Variants in DUOX1 observed in about 807,000 individuals in gnomAD.
DUOX1 encodes the protein dual oxidase 1, also known as NADPH thyroid oxidase 1.
In DUOX1, 134 loss-of-function variants were observed where a neutral mutation model predicts 181.8. The observed-to-expected ratio is 0.74, with a 90% CI of 0.64 to 0.85. The LOEUF is 0.85. DUOX1 is among the 40% of genes least tolerant of loss of function. DUOX1 has a pLI of 0.00. For missense variants in DUOX1, 1,814 were observed against 2,064.4 expected (o/e 0.88, Z 2.35); for synonymous variants, 798 against 832.5 (o/e 0.96, Z 0.71).
chr15:45,138,101 T>TGTGA, intron 10 of DUOX1, 87 bp downstream of exon 10: 2 of 1,053,236 alleles, frequency 1.9e-6, no homozygotes, highest in South Asian at 2.1e-5. Context: ...TGTGTGTGTG[T>TGTGA]GTGTGAGTGC....
chr15:45,164,664 T>C, intron 33 of DUOX1, 115 bp from the exon 34 acceptor site: 1 of 1,112,764 alleles, frequency 9.0e-7, no homozygotes, highest in Non-Finnish European at 1.3e-6. Flanking sequence ...GAGTCAGGGA[T>C]GTTGCTATGT....
chr15:45,140,148 A>T (rs1896453479), intron 12 of DUOX1: 6 of 858,082 alleles, frequency 7.0e-6, no homozygotes. Context: ...TTCAGCTGCT[A>T]GCCAAGAGAC....
chr15:45,150,744 T>C (rs1317616895), intron 22 of DUOX1, 43 bp downstream of exon 22: 2 of 1,586,592 alleles, frequency 1.3e-6, no homozygotes, highest in East Asian at 2.2e-5. Flanking sequence ...AGTTGGGGAG[T>C]TGCCATTTCT....
At chr15:45,148,743 G>C (rs1896727436) in intron 21 of DUOX1, among the ~76,000 whole-genome samples, 1 of 152,066 alleles carries the variant, frequency 6.6e-6, no homozygotes, top group African/African-American at 2.4e-5. Flanking sequence ...GGTGGGGTGG[G>C]TAGGGTCAGG....
At chr15:45,148,645 T>A in intron 21 of DUOX1, 198 bp downstream of exon 21, 1 of 383,568 alleles carries the variant, frequency 2.6e-6, no homozygotes, top group Non-Finnish European at 4.1e-6. Context: ...AATATAATTT[T>A]AAAATATTAT....
At position 45,139,538 on chromosome 15, in the gene DUOX1, G is replaced by T. The variant is rs751789172; in HGVS notation, c.1328G>T (p.Gly443Val). 1 of 1,612,890 alleles carries T rather than the reference G, an allele frequency of 6.2e-7. No homozygotes were observed. Among genetic ancestry groups the T allele is most frequent in the Non-Finnish European group, 8.5e-7 (1 of 1,179,612 alleles). Residue 443 changes from glycine (G) to valine (V), a missense_variant, in exon 12 of 34, where the codon GGC becomes GTC. Gly to Val is a moderately radical substitution (Grantham distance 109). Around this residue, in one of 5 missense-constraint regions of DUOX1, gnomAD observed 1,064 missense variants for 1,152.9 expected, o/e 0.92. Transcript: ENST00000389037. ...TACACCAAGGCCAGGGCAGCACTGG[G>T]CTTGTCTCCCATTACCCGCTGGCAG... is the stretch of plus-strand genomic sequence containing the variant. ...PSYTKARAAL[G>V]LSPITRWQDI... is the part of the protein sequence containing the mutation.
Position 45,148,347 on chromosome 15 carries a change from G to T in DUOX1, c.2718G>T (p.Glu906Asp), listed in dbSNP as rs1475801185. ...LAEVVESMFRESGFQDKEELT... is the reference protein window; with the variant it reads ...LAEVVESMFRDSGFQDKEELT... ...AGGTGGTGGAGTCCATGTTCCGGGA[G>T]TCGGGATTCCAGGACAAGGAGGAAC... The change falls in exon 21 of 34, where the codon GAG becomes GAT. Residue 906 changes from glutamate to aspartate, a missense_variant. Around this residue, in one of 5 missense-constraint regions of DUOX1, gnomAD observed 1,064 missense variants for 1,152.9 expected, o/e 0.92. Transcript: ENST00000389037. 6.2e-7 allele frequency: 1 copy of T among 1,614,210 alleles called. No homozygotes were observed. The highest frequency in any genetic ancestry group is 2.2e-5 in the East Asian group (1 of 44,884).
At chr15:45,140,170 A>G (rs1896454078) in intron 12 of DUOX1, among the ~76,000 whole-genome samples, 1 of 152,226 alleles carries the variant, frequency 6.6e-6, no homozygotes, top group Admixed American at 6.5e-5. Flanking sequence ...AGATTGGGAT[A>G]CCTTACCATC....
chr15:45,155,687 G>A (rs548264903), intron 27 of DUOX1, 115 bp from the exon 28 acceptor site: 2 of 1,449,672 alleles, frequency 1.4e-6, no homozygotes, highest in South Asian at 1.3e-5. Flanking sequence ...GGAGAATGCT[G>A]GGACATTCTT....
Position 45,147,486 on chromosome 15 carries a change from G to A in DUOX1, c.2376G>A (p.Gln792=). ...DAGTLPLDSS[Q]KVREALTCEL... ...GGACCCTGCCCCTGGACTCCTCCCAGAAGGTGCGGGAGGCCCTGACCTGTG... is the reference window on the plus strand; with the variant it reads ...GGACCCTGCCCCTGGACTCCTCCCAAAAGGTGCGGGAGGCCCTGACCTGTG... Residue 792 remains glutamine (Q), a synonymous_variant, in exon 19 of 34, where the codon CAG becomes CAA. Transcript: ENST00000389037. The A allele has an allele frequency of 6.2e-7, 1 of 1,614,114 alleles. No homozygotes were observed. The highest frequency in any genetic ancestry group is 8.5e-7 in the Non-Finnish European group (1 of 1,180,006).
At chr15:45,143,418 A>G (rs1187931251) in intron 16 of DUOX1, 115 bp downstream of exon 16, 5 of 764,004 alleles carry the variant, frequency 6.5e-6, no homozygotes, top group Non-Finnish European at 1.1e-5. Context: ...GACTGTAGGC[A>G]AGGCCACAGT....
intron 12 of DUOX1, chr15:45,140,553 C>T (rs922996816): frequency 9.3e-6 from 2 of 215,028 alleles, no homozygotes; most frequent in Non-Finnish European, 1.9e-5. Context: ...GAATAGAAAC[C>T]TTTTATAACA....
At chr15:45,162,785 G>C (rs1379885673) in intron 31 of DUOX1, among the ~76,000 whole-genome samples, 1 of 152,250 alleles carries the variant, frequency 6.6e-6, no homozygotes, top group Non-Finnish European at 1.5e-5. Flanking sequence ...AACTGGCTCA[G>C]CTCTCAAGAG....
intron 19 of DUOX1, 48 bp from the exon 20 acceptor site, chr15:45,147,856 T>G: frequency 6.4e-7 from 1 of 1,559,456 alleles, no homozygotes; most frequent in Non-Finnish European, 8.8e-7. Context: ...GCCTGGGGGT[T>G]CAGGCAGGCA....
intron 23 of DUOX1, among the ~76,000 whole-genome samples, 160 bp downstream of exon 23, chr15:45,151,408 C>A (rs1471053858): frequency 6.6e-6 from 1 of 152,204 alleles, no homozygotes; most frequent in Non-Finnish European, 1.5e-5. Flanking sequence ...GAATCTGGTA[C>A]ACTGATAATT....
chr15:45,141,898 A>C, intron 14 of DUOX1, 77 bp from the exon 15 acceptor site: 1 of 1,513,418 alleles, frequency 6.6e-7, no homozygotes. Context: ...CCTTTCTGCC[A>C]CCCTAACCTC....
At position 45,132,011 on chromosome 15, in the gene DUOX1, A is replaced by T. The variant is rs142495040; in HGVS notation, c.45A>T (p.Ala15=). ...LALAWTLLVG[A]WTPLGAQNPI... ...TAGCATGGACACTTCTGGTTGGGGC[A>T]TGGACCCCTCTGGGTGAGTACAGAT... Residue 15 remains alanine (A), a synonymous_variant, in exon 2 of 34, where the codon GCA becomes GCT. Transcript: ENST00000389037. The T allele has an allele frequency of 1.9e-6, 3 of 1,612,792 alleles. No individual in the cohort carries two copies. Among genetic ancestry groups the T allele is most frequent in the Non-Finnish European group, 2.5e-6 (3 of 1,179,600 alleles).
chr15:45,150,784 C>A, intron 22 of DUOX1, 83 bp downstream of exon 22: 1 of 1,325,514 alleles, frequency 7.5e-7, no homozygotes. Context: ...TCAGGGCCAC[C>A]GCTAGCCCAT....
rs1041576214 is a variant in DUOX1 at position 45,160,881 on chromosome 15, C to T, written c.3747C>T (p.Phe1249=). 7 of 1,613,368 alleles carry T rather than the reference C, an allele frequency of 4.3e-6. No individual in the cohort carries two copies. The African/African-American group carries it at 9.3e-5, about 22-fold the overall frequency. ...TTGCCCTGATCCAGCTGCCCCGTTT[C>T]CACATCTTCTTCCTGGTCCCAGCAA... The part of the protein sequence containing the change: ...GSFALIQLPR[F]HIFFLVPAII... Residue 1249 remains phenylalanine (F), a synonymous_variant, in exon 29 of 34, where the codon TTC becomes TTT. Coordinates refer to ENST00000389037, the MANE Select transcript of DUOX1 (RefSeq NM_175940.3).
Sources: gnomAD v4.1 joint callset for allele counts (sites outside exome capture counted in the v4.1 genomes callset) on GRCh38, gnomAD v4.1.1 for gene constraint, gnomAD v4.1.1 regional missense constraint, MANE v1.5 for transcripts, NCBI Gene and HGNC (gene_info 2026-07-23, HGNC 2026-07-21) for gene names.